The following RMDN2 variants were observed in gnomAD, a reference collection of about 807,000 sequenced individuals.
The protein encoded by RMDN2 is regulator of microtubule dynamics protein 2.
A neutral mutation model predicts 52.8 loss-of-function variants in RMDN2; 61 were observed. The ratio of observed to expected loss-of-function variants is 1.16; its 90% CI spans 0.94 to 1.43. RMDN2 has a LOEUF of 1.43. Among genes scored for constraint, RMDN2 ranks in the 40% most tolerant of loss-of-function variants. The pLI, the probability that RMDN2 is intolerant of heterozygous loss-of-function variation, is 0.00. For missense variants in RMDN2, 592 were observed against 475.3 expected (o/e 1.25, Z -2.28); for synonymous variants, 180 against 153.1 (o/e 1.18, Z -1.30).
chr2:38,018,884 G>GCACACGCA (rs924159705), downstream of RMDN2, among the ~76,000 whole-genome samples: 3 of 152,064 alleles, frequency 2.0e-5, no homozygotes, highest in African/African-American at 4.8e-5. Context: ...GCACATGCAC[G>GCACACGCA]CACACGCACA....
chr2:37,939,339 G>A (rs760560087), intron 2 of RMDN2, among the ~76,000 whole-genome samples: 9 of 152,120 alleles, frequency 5.9e-5, no homozygotes, highest in Non-Finnish European at 1.2e-4. Context: ...AATAAGTGCG[G>A]TGTGGTGCTG....
chr2:37,963,361 G>C (rs1384288711), intron 2 of RMDN2, among the ~76,000 whole-genome samples: 1 of 139,148 alleles, frequency 7.2e-6, no homozygotes, highest in Non-Finnish European at 1.5e-5. Flanking sequence ...GGTGTTTCTC[G>C]GAGAGGGGGA....
At chr2:38,042,852 G>T (rs547685784) in intron 10 of RMDN2, among the ~76,000 whole-genome samples, 3 of 151,546 alleles carry the variant, frequency 2.0e-5, no homozygotes, top group Non-Finnish European at 4.4e-5. Context: ...TTCCATTATG[G>T]TCTGTGAATA....
rs142149123 is a variant in RMDN2, at chr2:38,012,998, G to A, written c.1180-4188G>A. ...CTGCTAGTTGATATTGGGAGTGTCA[G>A]TCGTTTGGTCTCTAGAGCCCAGATT... On this transcript the variant is annotated intron_variant, in intron 10 of 10. Transcript: ENST00000354545. Among the ~76,000 whole-genome samples the A allele has an allele frequency of 6.2e-3, 951 of 152,364 alleles. 6 individuals are homozygous for A. Among genetic ancestry groups the A allele is most frequent in the African/African-American group, 0.022 (902 of 41,584 alleles).
intron 10 of RMDN2, among the ~76,000 whole-genome samples, chr2:38,027,781 T>C (rs1281536398): frequency 6.6e-6 from 1 of 152,184 alleles, no homozygotes; most frequent in East Asian, 1.9e-4. Flanking sequence ...GGAAACCTAA[T>C]TGGGAAAATA....
chr2:38,006,608 A>G (rs1677124096), intron 10 of RMDN2, among the ~76,000 whole-genome samples: 1 of 152,178 alleles, frequency 6.6e-6, no homozygotes, highest in Non-Finnish European at 1.5e-5. Context: ...TTTTGGGCTG[A>G]GATGATGGGA....
chr2:38,007,448 C>T lies in RMDN2; in HGVS notation c.1179+3232C>T, dbSNP rs937597767. ...TTTAGTCTTGGGAGGGTGTAAGTGT[C>T]GAGGAATTTATCCATGTCTTCCAGA... On this transcript the variant is annotated intron_variant, in intron 10 of 10. Coordinates refer to ENST00000354545, the MANE Select transcript of RMDN2 (RefSeq NM_001170791.3). Among the ~76,000 whole-genome samples, 3 of 152,104 alleles carry T rather than the reference C, an allele frequency of 2.0e-5. No homozygotes were observed. The South Asian group carries it at 6.2e-4, about 32-fold the overall frequency.
intron 2 of RMDN2, among the ~76,000 whole-genome samples, chr2:37,949,090 C>A (rs981529413): frequency 6.6e-6 from 1 of 152,092 alleles, no homozygotes; most frequent in African/African-American, 2.4e-5. Context: ...GACCTTAGTG[C>A]GGCTTAGGAA....
At chr2:37,945,287 AAAAC>A (rs1668130421) in intron 2 of RMDN2, among the ~76,000 whole-genome samples, 1 of 152,244 alleles carries the variant, frequency 6.6e-6, no homozygotes, top group Non-Finnish European at 1.5e-5. Context: ...ATTCATTTCT[AAAAC>A]AAATGTTTTC....
chr2:37,995,681 A>G (rs1378646483), intron 7 of RMDN2, among the ~76,000 whole-genome samples: 1 of 152,230 alleles, frequency 6.6e-6, no homozygotes, highest in Admixed American at 6.5e-5. Flanking sequence ...ACCATTGGAG[A>G]ATAGACATCT....
At chr2:38,025,503 A>G (rs1469872572) in intron 10 of RMDN2, among the ~76,000 whole-genome samples, 1 of 152,114 alleles carries the variant, frequency 6.6e-6, no homozygotes, top group Non-Finnish European at 1.5e-5. Context: ...TAGAACTTTC[A>G]ATACACCATG....
rs758138355 is a variant in RMDN2 at position 37,991,267 on chromosome 2, A to G, written c.915A>G (p.Leu305=). Residue 305 remains leucine, a synonymous_variant, in exon 7 of 11, where the codon CTA becomes CTG. Transcript: ENST00000354545. The stretch of plus-strand genomic sequence containing the variant: ...AACTTTTACCAGAGGAACCCTTTCT[A>G]TATTACCTCAAAGGGAGATACTGCT... The part of the protein sequence containing the change: ...AIKLLPEEPF[L]YYLKGRYCYT... 1.3e-5 allele frequency: 21 copies of G among 1,588,004 alleles called. No individual in the cohort carries two copies. Among genetic ancestry groups the G allele is most frequent in the East Asian group, 2.3e-5 (1 of 43,978 alleles).
At chr2:37,960,576 G>C (rs1181004060) in intron 2 of RMDN2, among the ~76,000 whole-genome samples, 1 of 152,062 alleles carries the variant, frequency 6.6e-6, no homozygotes, top group African/African-American at 2.4e-5. Flanking sequence ...GCACACCAAT[G>C]GGTCTTGACT....
At chr2:37,980,422 G>T (rs1393363612) in intron 4 of RMDN2, among the ~76,000 whole-genome samples, 1 of 152,110 alleles carries the variant, frequency 6.6e-6, no homozygotes, top group South Asian at 2.1e-4. Context: ...TCCTGCCTCA[G>T]CCTCCTGAGT....
chr2:38,006,272 G>A (rs1677073776), intron 10 of RMDN2, among the ~76,000 whole-genome samples: 2 of 152,230 alleles, frequency 1.3e-5, no homozygotes, highest in South Asian at 4.1e-4. Context: ...GGATGACATT[G>A]AATCTATAAA....
intron 10 of RMDN2, among the ~76,000 whole-genome samples, chr2:38,026,025 G>A (rs529885957): frequency 3.3e-5 from 5 of 152,032 alleles, no homozygotes; most frequent in Non-Finnish European, 5.9e-5. Context: ...AATTGATATC[G>A]TTTCTCCCTT....
chr2:37,967,967 C>T (rs909344402), intron 2 of RMDN2, among the ~76,000 whole-genome samples: 1 of 152,168 alleles, frequency 6.6e-6, no homozygotes, highest in African/African-American at 2.4e-5. Flanking sequence ...GAATTATGTG[C>T]TGAGAAATAA....
chr2:37,952,013 A>G (rs779298062), intron 2 of RMDN2: 1 of 1,613,132 alleles, frequency 6.2e-7, no homozygotes, highest in Non-Finnish European at 8.5e-7. Context: ...TCATGATTCC[A>G]CAGCATCCCT....
chr2:37,976,678 A>G (rs1159768447), intron 4 of RMDN2, among the ~76,000 whole-genome samples: 4 of 152,218 alleles, frequency 2.6e-5, no homozygotes, highest in Non-Finnish European at 5.9e-5. Flanking sequence ...TTTGCAGACC[A>G]TATACAAAAC....
Sources: gnomAD v4.1 joint callset for allele counts (sites outside exome capture counted in the v4.1 genomes callset) on GRCh38, gnomAD v4.1.1 for gene constraint, MANE v1.5 for transcripts, NCBI Gene and HGNC (gene_info 2026-07-23, HGNC 2026-07-21) for gene names.